Variants in ELMO1 observed in about 807,000 individuals in gnomAD.
ELMO1 encodes the protein engulfment and cell motility protein 1.
In ELMO1, 26 loss-of-function variants were observed where a neutral mutation model predicts 98.9. That is an observed-to-expected ratio of 0.26 (90% CI 0.19 to 0.36). The LOEUF is 0.36. Ranked by LOEUF, ELMO1 falls within the 10% of genes least tolerant of loss-of-function variation. The probability of loss-of-function intolerance (pLI) is 1.00; values close to 1 mark genes in which losing one functional copy is unlikely to be tolerated. For synonymous variants in ELMO1, 346 were observed against 346.0 expected (o/e 1.00, Z 0.00); for missense variants, 627 against 935.2 (o/e 0.67, Z 4.30).
intron 20 of ELMO1, among the ~76,000 whole-genome samples, chr7:36,869,196 T>C (rs1301245682): frequency 6.6e-6 from 1 of 152,174 alleles, no homozygotes; most frequent in Non-Finnish European, 1.5e-5. Context: ...CTGCCATCAG[T>C]ATGCTTGCCA....
chr7:37,073,210 C>T (rs1346381621), intron 15 of ELMO1, among the ~76,000 whole-genome samples: 1 of 152,040 alleles, frequency 6.6e-6, no homozygotes, highest in African/African-American at 2.4e-5. Flanking sequence ...GAACATAATG[C>T]TATCTAGTCA....
chr7:37,180,748 GT>G (rs914356193), intron 13 of ELMO1, among the ~76,000 whole-genome samples: 3 of 151,908 alleles, frequency 2.0e-5, no homozygotes, highest in East Asian at 1.9e-4. Flanking sequence ...GCTCTAAAGT[GT>G]TTTTTTGGGG....
chr7:36,873,532 A>G (rs1279473323), intron 19 of ELMO1, among the ~76,000 whole-genome samples: 6 of 152,220 alleles, frequency 3.9e-5, no homozygotes, highest in Admixed American at 3.9e-4. Context: ...TCTTAATTCA[A>G]CACTCCTATT....
intron 17 of ELMO1, 38 bp from the exon 18 acceptor site, chr7:36,887,710 G>C: frequency 6.3e-7 from 1 of 1,597,364 alleles, no homozygotes; most frequent in Non-Finnish European, 8.6e-7. Flanking sequence ...AGCATGCCTT[G>C]AGAAACAGAG....
chr7:36,857,049 C>T (rs904447453), intron 21 of ELMO1, among the ~76,000 whole-genome samples: 4 of 152,158 alleles, frequency 2.6e-5, no homozygotes, highest in Non-Finnish European at 2.9e-5. Flanking sequence ...GGAAATCTTC[C>T]GTGATGCACA....
intron 15 of ELMO1, among the ~76,000 whole-genome samples, chr7:37,027,926 T>A (rs1046392939): frequency 2.0e-5 from 3 of 151,898 alleles, no homozygotes; most frequent in Non-Finnish European, 4.4e-5. Flanking sequence ...AAGGACATAA[T>A]CTGAGTAACA....
At chr7:37,177,033 A>G (rs1790535203) in intron 13 of ELMO1, among the ~76,000 whole-genome samples, 1 of 152,218 alleles carries the variant, frequency 6.6e-6, no homozygotes, top group South Asian at 2.1e-4. Flanking sequence ...TGGACATTGT[A>G]TGTTACAAAC....
chr7:37,171,483 A>ATTTTTTTTTTTTT lies in ELMO1; in HGVS notation c.1087-38262_1087-38250dup, dbSNP rs71780142. ...TTTATTCTTGTAACCAGGCCTTTCT[A>ATTTTTTTTTTTTT]TTTTTTTTTTTTTTTTTTTTTTTTT... On this transcript the variant is annotated intron_variant, in intron 13 of 21. Coordinates refer to ENST00000310758, the MANE Select transcript of ELMO1 (RefSeq NM_014800.11). Among the ~76,000 whole-genome samples, 7 of 82,944 alleles carry ATTTTTTTTTTTTT rather than the reference A, an allele frequency of 8.4e-5. 1 individual carries two copies. The highest frequency in any genetic ancestry group is 1.3e-4 in the Non-Finnish European group (6 of 44,658). The allele number at this position is 82,944 out of a possible 152,430, so 54.4% of individuals were successfully genotyped here. A position where few individuals can be genotyped will look rare whatever the true frequency, so the allele number is the denominator to read the frequency against.
chr7:37,177,518 T>C (rs1790560554), intron 13 of ELMO1, among the ~76,000 whole-genome samples: 1 of 152,228 alleles, frequency 6.6e-6, no homozygotes. Flanking sequence ...TCTTAGGAAA[T>C]AAACAAAAGT....
At position 37,310,734 on chromosome 7, in the gene ELMO1, G is replaced by A. The variant is rs1277342101; in HGVS notation, c.192+4116C>T. On this transcript the variant is annotated intron_variant, in intron 4 of 21. Coordinates refer to ENST00000310758, the MANE Select transcript of ELMO1 (RefSeq NM_014800.11). ...TGGGGCTGAGGCAATGGTACAGAGG[G>A]TTTCTCAGAGATGGCATAGAGAGCT... Among the ~76,000 whole-genome samples the A allele has an allele frequency of 9.2e-5, 14 of 152,288 alleles. No homozygotes were observed. In the East Asian group the frequency reaches 2.7e-3, roughly 29 times the overall value.
intron 6 of ELMO1, among the ~76,000 whole-genome samples, chr7:37,245,410 C>T (rs538151130): frequency 6.6e-6 from 1 of 152,278 alleles, no homozygotes; most frequent in East Asian, 1.9e-4. Context: ...GAAATTTTCA[C>T]ATTCTCAACC....
chr7:37,029,425 G>A (rs986949928), intron 15 of ELMO1, among the ~76,000 whole-genome samples: 10 of 150,902 alleles, frequency 6.6e-5, no homozygotes, highest in African/African-American at 2.2e-4. Context: ...AAAAAATCAC[G>A]GCGATTATGA....
chr7:37,195,596 A>C (rs1791918150), intron 13 of ELMO1, among the ~76,000 whole-genome samples: 1 of 152,246 alleles, frequency 6.6e-6, no homozygotes, highest in Non-Finnish European at 1.5e-5. Flanking sequence ...TGCACTGAGC[A>C]GCAGTTGCAG....
intron 1 of ELMO1, among the ~76,000 whole-genome samples, chr7:37,423,366 G>A (rs1463884073): frequency 2.0e-5 from 3 of 152,192 alleles, no homozygotes; most frequent in Non-Finnish European, 4.4e-5. Flanking sequence ...GATCACCTGA[G>A]GTCAGGAGTT....
intron 13 of ELMO1, among the ~76,000 whole-genome samples, chr7:37,204,833 G>A (rs1792518340): frequency 6.6e-6 from 1 of 152,104 alleles, no homozygotes; most frequent in Non-Finnish European, 1.5e-5. Flanking sequence ...CGATTAGCTA[G>A]ACACAGAGTG....
At chr7:36,890,886 C>A (rs1237155421) in intron 17 of ELMO1, among the ~76,000 whole-genome samples, 1 of 152,164 alleles carries the variant, frequency 6.6e-6, no homozygotes, top group Non-Finnish European at 1.5e-5. Flanking sequence ...TGCTCTCTCC[C>A]CCTCAGTTAT....
At chr7:37,405,173 G>C (rs1468353157) in intron 1 of ELMO1, among the ~76,000 whole-genome samples, 3 of 151,018 alleles carry the variant, frequency 2.0e-5, no homozygotes, top group Non-Finnish European at 4.4e-5. Context: ...CAAGAATAAG[G>C]CATGGATGCT....
chr7:37,300,489 ATT>A, intron 4 of ELMO1, among the ~76,000 whole-genome samples: 1 of 43,358 alleles, frequency 2.3e-5, no homozygotes, highest in Non-Finnish European at 5.2e-5. Context: ...GGGTTGTTGA[ATT>A]TTGTCAAAGG....
intron 7 of ELMO1, among the ~76,000 whole-genome samples, chr7:37,235,922 A>G (rs2130648188): frequency 6.6e-6 from 1 of 152,358 alleles, no homozygotes; most frequent in South Asian, 2.1e-4. Context: ...TGTCTCGAAG[A>G]AAGATAAAAC....
Sources: gnomAD v4.1 joint callset for allele counts (sites outside exome capture counted in the v4.1 genomes callset) on GRCh38, gnomAD v4.1.1 for gene constraint, MANE v1.5 for transcripts, NCBI Gene and HGNC (gene_info 2026-07-23, HGNC 2026-07-21) for gene names.